Variants in SUGCT observed in about 807,000 individuals in gnomAD.
SUGCT encodes succinyl-CoA:glutarate CoA-transferase.
A neutral mutation model predicts 55.0 loss-of-function variants in SUGCT; 41 were observed. That is an observed-to-expected ratio of 0.74 (90% CI 0.58 to 0.97). The LOEUF (loss-of-function observed/expected upper bound fraction) is 0.97, where lower values mean the gene tolerates loss of function less well. Among genes scored for constraint, SUGCT ranks in the 50% least tolerant of loss-of-function variants. The probability of loss-of-function intolerance (pLI) is 0.00; values close to 1 mark genes in which losing one functional copy is unlikely to be tolerated. For missense variants in SUGCT, 568 were observed against 547.8 expected (o/e 1.04, Z -0.37); for synonymous variants, 187 against 200.4 (o/e 0.93, Z 0.56).
At chr7:40,179,742 T>C (rs769199592) in intron 1 of SUGCT, among the ~76,000 whole-genome samples, 4 of 152,230 alleles carry the variant, frequency 2.6e-5, no homozygotes, top group Non-Finnish European at 5.9e-5. Flanking sequence ...CTTCTCTCCA[T>C]GTGTTCTTTC....
chr7:40,524,140 TA>T (rs1261509312), intron 12 of SUGCT, among the ~76,000 whole-genome samples: 2 of 152,166 alleles, frequency 1.3e-5, no homozygotes, highest in Non-Finnish European at 2.9e-5. Flanking sequence ...TTAGTTAGTT[TA>T]TTAGTATTAT....
chr7:40,894,886 G>A, the SUGCT span, among the ~76,000 whole-genome samples: 11 of 152,228 alleles, frequency 7.2e-5, no homozygotes, highest in Middle Eastern at 3.4e-3. Context: ...GTTCGGCCAC[G>A]TAGAAAGCAA....
At chr7:40,228,981 G>A (rs949131012) in intron 6 of SUGCT, among the ~76,000 whole-genome samples, 14 of 152,182 alleles carry the variant, frequency 9.2e-5, no homozygotes, top group East Asian at 3.9e-4. Flanking sequence ...TGGCTTCTGC[G>A]TCTTTTTGAC....
At chr7:40,423,625 G>GA (rs532800344) in intron 9 of SUGCT, among the ~76,000 whole-genome samples, 158 of 151,792 alleles carry the variant, frequency 1.0e-3, no homozygotes, top group African/African-American at 3.6e-3. Context: ...TTAACCTACT[G>GA]AAAAAAAAGT....
At chr7:40,905,847 T>C in the SUGCT span, among the ~76,000 whole-genome samples, 10 of 152,022 alleles carry the variant, frequency 6.6e-5, no homozygotes, top group Non-Finnish European at 1.5e-4. Flanking sequence ...GCCTCCCAAG[T>C]AGTTGGGACC....
At chr7:40,986,001 G>C in the SUGCT span, among the ~76,000 whole-genome samples, 126,709 of 152,114 alleles carry the variant, frequency 0.83, 52,943 homozygotes, top group Non-Finnish European at 0.87. Context: ...CTTTTACTAG[G>C]CTGAAATGTT....
At chr7:40,954,524 C>T in the SUGCT span, among the ~76,000 whole-genome samples, 1 of 152,200 alleles carries the variant, frequency 6.6e-6, no homozygotes, top group South Asian at 2.1e-4. Flanking sequence ...ATGCAGAAAT[C>T]ACCCATCTTC....
At chr7:40,829,204 C>T (rs1422652023) in intron 13 of SUGCT, among the ~76,000 whole-genome samples, 1 of 152,172 alleles carries the variant, frequency 6.6e-6, no homozygotes, top group East Asian at 1.9e-4. Context: ...TAACCTACTC[C>T]TTAAATAGCA....
At chr7:40,874,616 G>A in the SUGCT span, among the ~76,000 whole-genome samples, 11 of 152,096 alleles carry the variant, frequency 7.2e-5, no homozygotes, top group South Asian at 8.3e-4. Flanking sequence ...ATATGAGCAC[G>A]TAAGAATTTG....
chr7:40,773,957 CAG>C (rs1167198984), intron 13 of SUGCT, among the ~76,000 whole-genome samples: 21 of 152,208 alleles, frequency 1.4e-4, no homozygotes, highest in Admixed American at 1.2e-3. Context: ...GTTGAATGGA[CAG>C]AGAAACAGGA....
At position 40,747,784 on chromosome 7, in the gene SUGCT, G is replaced by GT. The variant is rs200244015; in HGVS notation, c.1090-1641dup. On this transcript the variant is annotated intron_variant, in intron 12 of 13. Coordinates refer to ENST00000335693, the MANE Select transcript of SUGCT (RefSeq NM_001193313.2). ...CAGTATACCCAGGTAGCCTCCAATT[G>GT]TTTTTTTTTAAATAAAAAAATGTGT... Among the ~76,000 whole-genome samples, 770 of 151,214 alleles carry GT rather than the reference G, an allele frequency of 5.1e-3. 10 individuals are homozygous for GT. Among genetic ancestry groups the GT allele is most frequent in the African/African-American group, 0.017 (698 of 41,206 alleles).
At chr7:40,235,606 C>T (rs867301388) in intron 6 of SUGCT, among the ~76,000 whole-genome samples, 18 of 152,188 alleles carry the variant, frequency 1.2e-4, no homozygotes, top group African/African-American at 4.1e-4. Context: ...GGATTATAGG[C>T]GTGAGCCACC....
intron 8 of SUGCT, among the ~76,000 whole-genome samples, chr7:40,315,164 A>G (rs10237281): frequency 0.56 from 85,399 of 152,028 alleles, 25,350 homozygotes; most frequent in Non-Finnish European, 0.67. Context: ...GACTTTATAG[A>G]GAATGTATCA....
intron 8 of SUGCT, among the ~76,000 whole-genome samples, chr7:40,284,916 A>G (rs953932937): frequency 2.0e-5 from 3 of 152,196 alleles, no homozygotes; most frequent in Non-Finnish European, 2.9e-5. Flanking sequence ...TCTTGAGGAA[A>G]ACTGAGCGAA....
At chr7:40,242,925 A>ATG (rs1356124202) in intron 7 of SUGCT, among the ~76,000 whole-genome samples, 6 of 26,438 alleles carry the variant, frequency 2.3e-4, no homozygotes, top group African/African-American at 6.8e-4. Context: ...ATATATATAT[A>ATG]TATATATATT....
chr7:40,211,950 T>TCC (rs1787363598), intron 6 of SUGCT, among the ~76,000 whole-genome samples: 1 of 152,164 alleles, frequency 6.6e-6, no homozygotes, highest in Non-Finnish European at 1.5e-5. Flanking sequence ...AGGGCCTAGA[T>TCC]TTTTGAAGCT....
rs776536338 is a variant in SUGCT at position 40,684,097 on chromosome 7, C to G, written c.1090-65337C>G. 1.9e-6 allele frequency: 3 copies of G among 1,611,692 alleles called. No individual in the cohort carries two copies. The South Asian group carries it at 3.3e-5, about 18-fold the overall frequency. On this transcript the variant is annotated intron_variant, in intron 12 of 13. Coordinates refer to ENST00000335693, the MANE Select transcript of SUGCT (RefSeq NM_001193313.2). ...TCCAAAGCCTGCTGCATTCCTTGGC[C>G]CATGGCCCCTTCCTTCATCTTCAAG...
At chr7:40,862,113 T>C (rs1794498760), downstream of SUGCT, among the ~76,000 whole-genome samples, 1 of 152,204 alleles carries the variant, frequency 6.6e-6, no homozygotes, top group Non-Finnish European at 1.5e-5. Context: ...TTTACTCACT[T>C]ACTGGGCAGA....
At chr7:40,761,915 A>G (rs1584400389) in intron 13 of SUGCT, among the ~76,000 whole-genome samples, 1 of 152,206 alleles carries the variant, frequency 6.6e-6, no homozygotes. Flanking sequence ...GGGAGCGTCA[A>G]AGTGGGTTCT....
Sources: gnomAD v4.1 joint callset for allele counts (sites outside exome capture counted in the v4.1 genomes callset) on GRCh38, gnomAD v4.1.1 for gene constraint, MANE v1.5 for transcripts, NCBI Gene and HGNC (gene_info 2026-07-23, HGNC 2026-07-21) for gene names.